The following STAG3 variants were observed in gnomAD, a reference collection of about 807,000 sequenced individuals.
STAG3 encodes the protein STAG3 cohesin complex component, also known as cohesin subunit SA-3.
A neutral mutation model predicts 160.7 loss-of-function variants in STAG3; 101 were observed. The ratio of observed to expected loss-of-function variants is 0.63; its 90% CI spans 0.54 to 0.74. The LOEUF (loss-of-function observed/expected upper bound fraction) is 0.74, where lower values mean the gene tolerates loss of function less well. Ranked by LOEUF, STAG3 falls within the 30% of genes least tolerant of loss-of-function variation. The pLI, the probability that STAG3 is intolerant of heterozygous loss-of-function variation, is 0.00. For missense variants in STAG3, 1,188 were observed against 1,517.4 expected, an observed-to-expected ratio of 0.78 and a Z score of 3.61; for synonymous variants, 519 against 585.0, an observed-to-expected ratio of 0.89 and a Z score of 1.63.
chr7:100,188,796 A>C lies in STAG3; in HGVS notation c.511-16A>C. ...TGGTAATAACTTTCCCATCCTTTTC[A>C]TACATCCTTTTGTAGGACTCGGGGG... On this transcript the variant is annotated splice_polypyrimidine_tract_variant and intron_variant, in intron 6 of 33. Transcript: ENST00000615138. 1 of 1,613,774 alleles carries C rather than the reference A, an allele frequency of 6.2e-7. No homozygotes were observed. Among genetic ancestry groups the C allele is most frequent in the Non-Finnish European group, 8.5e-7 (1 of 1,179,768 alleles).
At position 100,184,774 on chromosome 7, in the gene STAG3, C is replaced by A. The variant is rs189060614; in HGVS notation, c.337-1426C>A. 3.6e-3 allele frequency among the ~76,000 whole-genome samples: 541 copies of A among 151,038 alleles called. 2 individuals are homozygous for A. The highest frequency in any genetic ancestry group is 5.7e-3 in the Non-Finnish European group (388 of 67,622). Reference sequence around the variant, plus strand: ...AGCCACCATGCCTGGCCTTTTATTTCTTTTTTTTAGCCCATTCTCCCCCTT... The same window carrying A: ...AGCCACCATGCCTGGCCTTTTATTTATTTTTTTTAGCCCATTCTCCCCCTT... On this transcript the variant is annotated intron_variant, in intron 4 of 33. Transcript: ENST00000615138.
chr7:100,205,270 C>T lies in STAG3; in HGVS notation c.3124C>T (p.Pro1042Ser). 6.2e-7 allele frequency: 1 copy of T among 1,614,116 alleles called. No individual in the cohort carries two copies. The highest frequency in any genetic ancestry group is 8.5e-7 in the Non-Finnish European group (1 of 1,180,016). ...GTGCCTGCAGCATGTCTCCCAGGCA[C>T]CTGGCCATCCCTGGGGCCCAGTCAC... Reference protein sequence around the residue: ...EKCLQHVSQAPGHPWGPVTTY... With the variant: ...EKCLQHVSQASGHPWGPVTTY... The change falls in exon 29 of 34, where the codon CCT becomes TCT. Residue 1042 changes from proline to serine, a missense_variant. Physicochemically the swap from Pro to Ser is moderately conservative, Grantham distance 74. Transcript: ENST00000615138.
At chr7:100,205,190 T>C in intron 28 of STAG3, 37 bp from the exon 29 acceptor site, 2 of 1,613,412 alleles carry the variant, frequency 1.2e-6, no homozygotes, top group African/African-American at 2.7e-5. Context: ...GAGGGCCCAG[T>C]AGCCCCTTCA....
chr7:100,183,032 T>C lies in STAG3; in HGVS notation c.336+193T>C, dbSNP rs10252884. Among the ~76,000 whole-genome samples the C allele has an allele frequency of 0.25, 37,443 of 151,716 alleles. 5,817 individuals carry two copies. The highest frequency in any genetic ancestry group is 0.62 in the East Asian group (3,194 of 5,128). On this transcript the variant is annotated intron_variant, in intron 4 of 33. Transcript: ENST00000615138. Reference sequence around the variant, plus strand: ...AGAGAGCATGTTCTTTTTTTTTTTTTAGACAGAGTCTCTTTCTGTCGCCCA... The same window carrying C: ...AGAGAGCATGTTCTTTTTTTTTTTTCAGACAGAGTCTCTTTCTGTCGCCCA...
At chr7:100,197,531 T>C in intron 10 of STAG3, 1 of 646,466 alleles carries the variant, frequency 1.5e-6, no homozygotes, top group Non-Finnish European at 2.8e-6. Context: ...AGAGAGTTAT[T>C]GATGGATGGT....
intron 29 of STAG3, among the ~76,000 whole-genome samples, chr7:100,206,254 G>C (rs1801644939): frequency 6.6e-6 from 1 of 151,956 alleles, no homozygotes; most frequent in African/African-American, 2.4e-5. Flanking sequence ...CTGACCTCAT[G>C]ATCTGCCTGC....
At chr7:100,217,754 G>A (rs1224837861), downstream of STAG3, among the ~76,000 whole-genome samples, 5 of 152,112 alleles carry the variant, frequency 3.3e-5, no homozygotes, top group East Asian at 1.9e-4. Context: ...CGGAGAGAGA[G>A]AGGACAGCTT....
At chr7:100,212,726 C>T (rs182632238) in intron 32 of STAG3, 1 of 152,274 alleles carries the variant, frequency 6.6e-6, no homozygotes, top group African/African-American at 2.4e-5. Flanking sequence ...TCCCTAAGTG[C>T]TGGGATTACA....
rs1033467554 is a variant in STAG3 at position 100,207,567 on chromosome 7, T to C, written c.3238+2183T>C. On this transcript the variant is annotated intron_variant, in intron 29 of 33. Transcript: ENST00000615138. The surrounding 1 kb of genome is among the most constrained non-coding windows in gnomAD (Gnocchi z 4.0). The stretch of plus-strand genomic sequence containing the variant: ...TCCTTTAGCTATTTTAAAATAGGGT[T>C]GTCTTTTTATTGTTGAGTTGTAAGT... Among the ~76,000 whole-genome samples the C allele has an allele frequency of 1.3e-5, 2 of 152,222 alleles. No individual in the cohort carries two copies. The highest frequency in any genetic ancestry group is 2.9e-5 in the Non-Finnish European group (2 of 68,042).
chr7:100,193,853 C>A (rs1398241831), intron 8 of STAG3, among the ~76,000 whole-genome samples: 2 of 150,004 alleles, frequency 1.3e-5, no homozygotes, highest in African/African-American at 4.9e-5. Context: ...AAGAATTTTT[C>A]TTTTGCATTC....
At chr7:100,198,249 C>G (rs1159417433) in intron 12 of STAG3, 83 bp downstream of exon 12, 1 of 1,389,626 alleles carries the variant, frequency 7.2e-7, no homozygotes, top group South Asian at 1.2e-5. Flanking sequence ...ATAGCTGACT[C>G]TTCCATCTGT....
Position 100,203,423 on chromosome 7 carries a change from C to T in STAG3, c.2701-598C>T, listed in dbSNP as rs991640282. On this transcript the variant is annotated intron_variant, in intron 25 of 33. Transcript: ENST00000615138. Reference sequence around the variant, plus strand: ...GTCTTGATCTCCTGACCTTGTGATCCGCCCAACTTGGCCTCCCAAACTGCT... The same window carrying T: ...GTCTTGATCTCCTGACCTTGTGATCTGCCCAACTTGGCCTCCCAAACTGCT... Among the ~76,000 whole-genome samples, 9 of 151,998 alleles carry T rather than the reference C, an allele frequency of 5.9e-5. No individual in the cohort carries two copies. In the South Asian group the frequency reaches 8.3e-4, roughly 14 times the overall value.
intron 8 of STAG3, among the ~76,000 whole-genome samples, chr7:100,191,529 G>C (rs1025862181): frequency 6.6e-6 from 1 of 152,178 alleles, no homozygotes; most frequent in Non-Finnish European, 1.5e-5. Flanking sequence ...ACTGTAGTCT[G>C]TTAAGTGTGC....
intron 8 of STAG3, among the ~76,000 whole-genome samples, chr7:100,192,389 G>A (rs1437638031): frequency 6.6e-6 from 1 of 152,078 alleles, no homozygotes; most frequent in Non-Finnish European, 1.5e-5. Context: ...GCTAGGTGTG[G>A]TGGTGCTGCT....
At chr7:100,202,734 C>A in intron 25 of STAG3, 144 bp downstream of exon 25, 1 of 1,040,820 alleles carries the variant, frequency 9.6e-7, no homozygotes, top group South Asian at 2.0e-5. Context: ...ACTGGGAGTT[C>A]AGAATAAGGG....
At chr7:100,210,774 C>G (rs1802115523) in intron 29 of STAG3, among the ~76,000 whole-genome samples, 1 of 152,148 alleles carries the variant, frequency 6.6e-6, no homozygotes, top group Non-Finnish European at 1.5e-5. Flanking sequence ...GGCTGTGTAG[C>G]AAGTTCTTCT....
chr7:100,198,445 C>G, intron 12 of STAG3, 30 bp from the exon 13 acceptor site: 1 of 1,608,336 alleles, frequency 6.2e-7, no homozygotes, highest in Non-Finnish European at 8.5e-7. Flanking sequence ...TGTCCCTATT[C>G]ACATACTCTT....
chr7:100,199,428 G>A (rs1800924010), intron 15 of STAG3, 61 bp downstream of exon 15: 6 of 1,564,352 alleles, frequency 3.8e-6, no homozygotes, highest in Non-Finnish European at 5.3e-6. Flanking sequence ...AACTGGGAGG[G>A]ATTGCTTGCT....
At chr7:100,188,770 C>T in intron 6 of STAG3, 42 bp from the exon 7 acceptor site, 1 of 1,599,036 alleles carries the variant, frequency 6.3e-7, no homozygotes. Context: ...CTTCATGGAC[C>T]TGGTAATAAC....
Sources: allele counts gnomAD v4.1 joint callset (sites outside exome capture counted in the v4.1 genomes callset), GRCh38; gene constraint gnomAD v4.1.1; non-coding constraint Gnocchi (gnomAD v3.1); transcripts MANE v1.5; gene names NCBI Gene and HGNC (gene_info 2026-07-23, HGNC 2026-07-21).